Variants in NPRL2 observed in about 807,000 individuals in gnomAD.
NPRL2 encodes GATOR1 complex protein NPRL2.
NPRL2 carries 21 observed loss-of-function variants against 51.1 expected under a neutral mutation model. The observed-to-expected ratio is 0.41, with a 90% CI of 0.29 to 0.59. The LOEUF (loss-of-function observed/expected upper bound fraction) is 0.59, where lower values mean the gene tolerates loss of function less well. NPRL2 is among the 20% of genes least tolerant of loss of function. The probability of loss-of-function intolerance (pLI) is 0.29; values close to 1 mark genes in which losing one functional copy is unlikely to be tolerated. For synonymous variants in NPRL2, 175 were observed against 187.8 expected (o/e 0.93, Z 0.56); for missense variants, 376 against 483.4 (o/e 0.78, Z 2.08).
Position 50,350,023 on chromosome 3 carries a change from C to T in NPRL2, c.79-1G>A. 6.2e-7 allele frequency: 1 copy of T among 1,613,564 alleles called. No individual in the cohort carries two copies. Among genetic ancestry groups the T allele is most frequent in the Non-Finnish European group, 8.5e-7 (1 of 1,179,866 alleles). On this transcript the variant is annotated splice_acceptor_variant, in intron 1 of 10. Transcript: ENST00000232501. LOFTEE classifies it high-confidence loss of function. The surrounding 1 kb of genome is among the most constrained non-coding windows in gnomAD (Gnocchi z 5.7). ...CTCGGGAGATGAAGTCTTCAGGGAC[C>T]TGGGGAGGGGAGTGGCAATGGGCCC...
chr3:50,349,882 C>A lies in NPRL2; in HGVS notation c.170+49G>T. The A allele has an allele frequency of 2.5e-6, 4 of 1,613,270 alleles. No homozygotes were observed. The highest frequency in any genetic ancestry group is 2.5e-6 in the Non-Finnish European group (3 of 1,179,474). On this transcript the variant is annotated intron_variant, in intron 2 of 10. Coordinates refer to ENST00000232501, the MANE Select transcript of NPRL2 (RefSeq NM_006545.5). The surrounding 1 kb of genome is among the most constrained non-coding windows in gnomAD (Gnocchi z 4.6). ...GCCCCCAAGCCTGTCCCTTCCTCCT[C>A]CTGGGACAACCCCTGCCACCCACCG...
Position 50,348,374 on chromosome 3 carries a change from C to T in NPRL2, c.757G>A (p.Asp253Asn). The change falls in exon 8 of 11, where the codon GAC (aspartate) becomes AAC (asparagine). Residue 253 changes from aspartate to asparagine, a missense_variant. By Grantham distance (23) the Asp-to-Asn change is conservative. Coordinates refer to ENST00000232501, the MANE Select transcript of NPRL2 (RefSeq NM_006545.5). The surrounding 1 kb of genome is among the most constrained non-coding windows in gnomAD (Gnocchi z 5.8). Reference sequence around the variant, plus strand: ...TGCAGGGACTTGTCATCTACCAGGTCCTGGACCTTGGGCGTTGGGCAGTAT... The same window carrying T: ...TGCAGGGACTTGTCATCTACCAGGTTCTGGACCTTGGGCGTTGGGCAGTAT... ...NVYCPTPKVQ[D>N]LVDDKSLQEA... The T allele has an allele frequency of 6.2e-7, 1 of 1,613,874 alleles. No individual in the cohort carries two copies. Among genetic ancestry groups the T allele is most frequent in the Non-Finnish European group, 8.5e-7 (1 of 1,180,038 alleles).
In NPRL2 at chr3:50,349,574, G is replaced by C. The variant is rs1239063516; in HGVS notation, c.340-80C>G. 13 of 1,609,962 alleles carry C rather than the reference G, an allele frequency of 8.1e-6. No homozygotes were observed. The highest frequency in any genetic ancestry group is 3.4e-6 in the Non-Finnish European group (4 of 1,176,802). On this transcript the variant is annotated intron_variant, in intron 3 of 10. Coordinates refer to ENST00000232501, the MANE Select transcript of NPRL2 (RefSeq NM_006545.5). The surrounding 1 kb of genome is among the most constrained non-coding windows in gnomAD (Gnocchi z 4.6). Reference sequence around the variant, plus strand: ...GCTGCCCTGAGTCCTGAGCTGGTTTGCAGGGTCCCAGGTTTGGGGGACTTT... The same window carrying C: ...GCTGCCCTGAGTCCTGAGCTGGTTTCCAGGGTCCCAGGTTTGGGGGACTTT...
Position 50,350,139 on chromosome 3 carries a change from C to T in NPRL2, c.79-117G>A. On this transcript the variant is annotated intron_variant, in intron 1 of 10. Coordinates refer to ENST00000232501, the MANE Select transcript of NPRL2 (RefSeq NM_006545.5). The surrounding 1 kb of genome is among the most constrained non-coding windows in gnomAD (Gnocchi z 5.7). ...CCTCTTCTCCAGCGTTCCCCTCTCTCCCATCCACTCAGGCCTATTACTTCT... is the reference window on the plus strand; with the variant it reads ...CCTCTTCTCCAGCGTTCCCCTCTCTTCCATCCACTCAGGCCTATTACTTCT... 1 of 780,666 alleles carries T rather than the reference C, an allele frequency of 1.3e-6. No homozygotes were observed. The highest frequency in any genetic ancestry group is 2.2e-6 in the Non-Finnish European group (1 of 460,740). The allele number at this position is 780,666 out of a possible 1,614,324, so 48.4% of individuals were successfully genotyped here.
At position 50,348,594 on chromosome 3, in the gene NPRL2, G is replaced by T. The variant is rs1235954996; in HGVS notation, c.684-31C>A. ...AGAGAGAGCTGTGCTCAGCTTCTGA[G>T]GACCATGCCTTCCCAACCCTCACAC... On this transcript the variant is annotated intron_variant, in intron 6 of 10. Transcript: ENST00000232501. The surrounding 1 kb of genome is among the most constrained non-coding windows in gnomAD (Gnocchi z 5.8). The T allele has an allele frequency of 5.6e-6, 9 of 1,613,974 alleles. No homozygotes were observed. Among genetic ancestry groups the T allele is most frequent in the Non-Finnish European group, 7.6e-6 (9 of 1,180,040 alleles).
chr3:50,348,454 G>A lies in NPRL2; in HGVS notation c.721-44C>T, dbSNP rs1230425504. On this transcript the variant is annotated intron_variant, in intron 7 of 10. Transcript: ENST00000232501. The surrounding 1 kb of genome is among the most constrained non-coding windows in gnomAD (Gnocchi z 5.8). Reference sequence around the variant, plus strand: ...CATAGGGGCCTGAGTGAGGGGCTTGGGAAGCTGACACAGCCCTGGTCTGGT... The same window carrying A: ...CATAGGGGCCTGAGTGAGGGGCTTGAGAAGCTGACACAGCCCTGGTCTGGT... 6.2e-7 allele frequency: 1 copy of A among 1,613,332 alleles called. No homozygotes were observed. Among genetic ancestry groups the A allele is most frequent in the Non-Finnish European group, 8.5e-7 (1 of 1,179,512 alleles).
In NPRL2 at chr3:50,348,804, C is replaced by G; in HGVS notation, c.586-22G>C. ...GGATCTGGGCAGAGTGGGACAAGGT[C>G]AGAAGAAACAGGATGAGGCCAGGGC... On this transcript the variant is annotated intron_variant, in intron 5 of 10. Transcript: ENST00000232501. This position sits in a 1 kb window ranked among gnomAD's most constrained non-coding sequence, Gnocchi z 5.8. 1 of 1,613,980 alleles carries G rather than the reference C, an allele frequency of 6.2e-7. No individual in the cohort carries two copies. The highest frequency in any genetic ancestry group is 8.5e-7 in the Non-Finnish European group (1 of 1,180,028).
chr3:50,348,696 G>C lies in NPRL2; in HGVS notation c.672C>G (p.Ile224Met). 6.2e-7 allele frequency: 1 copy of C among 1,613,996 alleles called. No homozygotes were observed. Among genetic ancestry groups the C allele is most frequent in the Non-Finnish European group, 8.5e-7 (1 of 1,180,024 alleles). Residue 224 changes from isoleucine (I) to methionine (M), a missense_variant, in exon 6 of 11, where the codon ATC (isoleucine) becomes ATG (methionine). Transcript: ENST00000232501. This position sits in a 1 kb window ranked among gnomAD's most constrained non-coding sequence, Gnocchi z 5.8. ...DVELNLVRIA[I>M]QNLLYYGVVT... ...GTAGGCCCACTCACAGCAGGTTCTG[G>C]ATAGCAATGCGCACCAGGTTGAGCT...
Position 50,349,071 on chromosome 3 carries a change from T to A in NPRL2, c.449-61A>T. 6.3e-7 allele frequency: 1 copy of A among 1,577,634 alleles called. No individual in the cohort carries two copies. The highest frequency in any genetic ancestry group is 1.8e-5 in the Admixed American group (1 of 56,906). Reference sequence around the variant, plus strand: ...TCTTCCAAGAGGTCCTCAATTACCATCCAGGCCTCCCAGCATCCCTTGGGG... The same window carrying A: ...TCTTCCAAGAGGTCCTCAATTACCAACCAGGCCTCCCAGCATCCCTTGGGG... On this transcript the variant is annotated intron_variant, in intron 4 of 10. Transcript: ENST00000232501. This position sits in a 1 kb window ranked among gnomAD's most constrained non-coding sequence, Gnocchi z 4.6.
In NPRL2 at chr3:50,347,575, C is replaced by A; in HGVS notation, c.*31G>T. 6.2e-7 allele frequency: 1 copy of A among 1,613,626 alleles called. No homozygotes were observed. The highest frequency in any genetic ancestry group is 8.5e-7 in the Non-Finnish European group (1 of 1,179,674). ...GCCTCCTAGTAGGAGGGACTACCCA[C>A]AGCAATGTGTCCATCCAGTCACTAC... On this transcript the variant is annotated 3_prime_UTR_variant, in exon 11 of 11. Transcript: ENST00000232501.
Position 50,350,342 on chromosome 3 carries a change from C to T in NPRL2, c.78+233G>A, listed in dbSNP as rs1328180779. 8.2e-6 allele frequency: 5 copies of T among 610,456 alleles called. No individual in the cohort carries two copies. Among genetic ancestry groups the T allele is most frequent in the Non-Finnish European group, 1.4e-5 (5 of 347,444 alleles). The allele number at this position is 610,456 out of a possible 1,614,324, so 37.8% of individuals were successfully genotyped here. On this transcript the variant is annotated intron_variant, in intron 1 of 10. Transcript: ENST00000232501. The surrounding 1 kb of genome is among the most constrained non-coding windows in gnomAD (Gnocchi z 5.7). Reference sequence around the variant, plus strand: ...CTCACCTTCTGTGGGACCTGGAACCCCCCAACCGGATCCCTACAGCCCGAT... The same window carrying T: ...CTCACCTTCTGTGGGACCTGGAACCTCCCAACCGGATCCCTACAGCCCGAT...
chr3:50,349,321 C>T lies in NPRL2; in HGVS notation c.448+65G>A. 7.1e-7 allele frequency: 1 copy of T among 1,399,980 alleles called. No individual in the cohort carries two copies. Among genetic ancestry groups the T allele is most frequent in the Admixed American group, 1.7e-5 (1 of 58,632 alleles). 86.7% of individuals were successfully genotyped at this position (1,399,980 alleles called of 1,614,324 possible). A position where few individuals can be genotyped will look rare whatever the true frequency, so the allele number is the denominator to read the frequency against. On this transcript the variant is annotated intron_variant, in intron 4 of 10. Transcript: ENST00000232501. This position sits in a 1 kb window ranked among gnomAD's most constrained non-coding sequence, Gnocchi z 4.6. ...TCATGAGTCTTGCCCTTCTCCCTGA[C>T]TAGCTGGGTTCACTTTCCCATCTCT...
chr3:50,347,983 T>G, intron 9 of NPRL2, 82 bp from the exon 10 acceptor site: 1 of 1,601,758 alleles, frequency 6.2e-7, no homozygotes, highest in South Asian at 1.1e-5. Context: ...TAGTCTCCCT[T>G]CAATTTTGTC....
At position 50,349,795 on chromosome 3, in the gene NPRL2, C is replaced by T; in HGVS notation, c.209G>A (p.Cys70Tyr). 6.2e-7 allele frequency: 1 copy of T among 1,613,400 alleles called. No homozygotes were observed. The highest frequency in any genetic ancestry group is 8.5e-7 in the Non-Finnish European group (1 of 1,179,558). ...GCGGCTGTACTTCTTGTGTTCGATGCACACAGGACAGCCGATCAGCTTCTT... is the reference window on the plus strand; with the variant it reads ...GCGGCTGTACTTCTTGTGTTCGATGTACACAGGACAGCCGATCAGCTTCTT... ...MEKKLIGCPV[C>Y]IEHKKYSRNA... The change falls in exon 3 of 11, where the codon TGC becomes TAC. Residue 70 changes from cysteine to tyrosine, a missense_variant. Cys to Tyr is a radical substitution (Grantham distance 194). Coordinates refer to ENST00000232501, the MANE Select transcript of NPRL2 (RefSeq NM_006545.5). The surrounding 1 kb of genome is among the most constrained non-coding windows in gnomAD (Gnocchi z 4.6).
Position 50,349,353 on chromosome 3 carries a change from C to T in NPRL2, c.448+33G>A. ...GGTTCACTTTCCCATCTCTCCTCTA[C>T]CCCTCTGCTGTCCTTGCAGAGGCTG... On this transcript the variant is annotated intron_variant, in intron 4 of 10. Transcript: ENST00000232501. This position sits in a 1 kb window ranked among gnomAD's most constrained non-coding sequence, Gnocchi z 4.6. The T allele has an allele frequency of 1.9e-6, 3 of 1,557,400 alleles. No individual in the cohort carries two copies. The highest frequency in any genetic ancestry group is 2.2e-5 in the East Asian group (1 of 44,600).
Position 50,348,521 on chromosome 3 carries a change from A to G in NPRL2, c.720+6T>C. 1 of 1,614,000 alleles carries G rather than the reference A, an allele frequency of 6.2e-7. No individual in the cohort carries two copies. The highest frequency in any genetic ancestry group is 8.5e-7 in the Non-Finnish European group (1 of 1,179,992). The stretch of plus-strand genomic sequence containing the variant: ...CTCTCCACTTAACCAAACCCAACTC[A>G]CCTACCTGGAGGATGGACACCAGTG... On this transcript the variant is annotated splice_donor_region_variant and intron_variant, in intron 7 of 10. Transcript: ENST00000232501. The surrounding 1 kb of genome is among the most constrained non-coding windows in gnomAD (Gnocchi z 5.8).
Position 50,350,264 on chromosome 3 carries a change from C to T in NPRL2, c.79-242G>A, listed in dbSNP as rs1703712086. 3.3e-6 allele frequency: 2 copies of T among 597,298 alleles called. No individual in the cohort carries two copies. The highest frequency in any genetic ancestry group is 6.0e-5 in the Admixed American group (2 of 33,116). The allele number at this position is 597,298 out of a possible 1,614,324, so 37.0% of individuals were successfully genotyped here. A position where few individuals can be genotyped will look rare whatever the true frequency, so the allele number is the denominator to read the frequency against. On this transcript the variant is annotated intron_variant, in intron 1 of 10. Coordinates refer to ENST00000232501, the MANE Select transcript of NPRL2 (RefSeq NM_006545.5). The surrounding 1 kb of genome is among the most constrained non-coding windows in gnomAD (Gnocchi z 5.7). ...ACTTTCTCCTGCCTTACCTAAACTT[C>T]CTATGCATCATTTACTCTTCACTCA...
Position 50,348,864 on chromosome 3 carries a change from G to T in NPRL2, c.585+10C>A. The T allele has an allele frequency of 6.2e-7, 1 of 1,613,962 alleles. No homozygotes were observed. Among genetic ancestry groups the T allele is most frequent in the Non-Finnish European group, 8.5e-7 (1 of 1,179,964 alleles). On this transcript the variant is annotated intron_variant, in intron 5 of 10. Transcript: ENST00000232501. This position sits in a 1 kb window ranked among gnomAD's most constrained non-coding sequence, Gnocchi z 5.8. Reference sequence around the variant, plus strand: ...CCCCAGGTGATGATACCCAGGGAGGGATGGCATACTTGTTGTGTAGTGAGG... The same window carrying T: ...CCCCAGGTGATGATACCCAGGGAGGTATGGCATACTTGTTGTGTAGTGAGG...
In NPRL2 at chr3:50,347,743, G is replaced by C. The variant is rs1703603930; in HGVS notation, c.1075+16C>G. Reference sequence around the variant, plus strand: ...ACCCTGCCCTGAACCCACCCTGACTGCCCGCCTGCCTCCACCTGTCTTGCA... The same window carrying C: ...ACCCTGCCCTGAACCCACCCTGACTCCCCGCCTGCCTCCACCTGTCTTGCA... On this transcript the variant is annotated intron_variant, in intron 10 of 10. Coordinates refer to ENST00000232501, the MANE Select transcript of NPRL2 (RefSeq NM_006545.5). 6.2e-7 allele frequency: 1 copy of C among 1,613,622 alleles called. No individual in the cohort carries two copies. The highest frequency in any genetic ancestry group is 1.7e-5 in the Admixed American group (1 of 60,008).
Sources: allele counts gnomAD v4.1 joint callset, GRCh38; gene constraint gnomAD v4.1.1; non-coding constraint Gnocchi (gnomAD v3.1); transcripts MANE v1.5; gene names NCBI Gene and HGNC (gene_info 2026-07-23, HGNC 2026-07-21).